The following VPS13B variants were observed in gnomAD, a reference collection of about 807,000 sequenced individuals.
VPS13B encodes vacuolar protein sorting 13 homolog B, also known as intermembrane lipid transfer protein VPS13B.
A neutral mutation model predicts 426.4 loss-of-function variants in VPS13B; 285 were observed. The ratio of observed to expected loss-of-function variants is 0.67; its 90% CI spans 0.61 to 0.74. VPS13B has a LOEUF of 0.74. VPS13B is among the 30% of genes least tolerant of loss of function. The pLI is 0.00. For missense variants in VPS13B, 4,537 were observed against 4,782.6 expected (o/e 0.95, Z 1.51); for synonymous variants, 1,676 against 1,676.4 (o/e 1.00, Z 0.01).
At chr8:99,647,457 A>G (rs1354497588) in intron 34 of VPS13B, among the ~76,000 whole-genome samples, 3 of 151,780 alleles carry the variant, frequency 2.0e-5, no homozygotes, top group African/African-American at 7.3e-5. Flanking sequence ...GGTACTCAGG[A>G]GGCTGAGGCG....
chr8:99,040,259 C>T (rs187385461), intron 3 of VPS13B, among the ~76,000 whole-genome samples: 103 of 152,252 alleles, frequency 6.8e-4, no homozygotes, highest in Admixed American at 6.1e-3. Flanking sequence ...AGAACTAATA[C>T]TTGATATTGG....
intron 30 of VPS13B, among the ~76,000 whole-genome samples, chr8:99,545,992 G>A (rs1455613368): frequency 6.6e-6 from 1 of 152,070 alleles, no homozygotes; most frequent in East Asian, 1.9e-4. Context: ...TGCAAATTAA[G>A]TTATTCATAT....
At chr8:99,497,177 T>G (rs1820947070) in intron 25 of VPS13B, among the ~76,000 whole-genome samples, 1 of 137,724 alleles carries the variant, frequency 7.3e-6, no homozygotes, top group South Asian at 2.1e-4. Flanking sequence ...ATTTATATAT[T>G]TAATATATAA....
At chr8:99,640,019 TAATAATAAGAAGAAG>T (rs1829258952) in intron 33 of VPS13B, among the ~76,000 whole-genome samples, 1 of 78,308 alleles carries the variant, frequency 1.3e-5, no homozygotes, top group Non-Finnish European at 2.7e-5. Context: ...ATAATAATAA[TAATAATAAGAAGAAG>T]AAGAAGAAGA....
intron 39 of VPS13B, among the ~76,000 whole-genome samples, chr8:99,726,885 TTTA>T (rs772988399): frequency 2.6e-4 from 39 of 152,320 alleles, no homozygotes; most frequent in Middle Eastern, 6.8e-3. Context: ...TATGAAGTAT[TTTA>T]TTATAGCAGC....
intron 17 of VPS13B, among the ~76,000 whole-genome samples, chr8:99,228,050 A>G (rs1410967290): frequency 6.6e-6 from 1 of 152,118 alleles, no homozygotes; most frequent in African/African-American, 2.4e-5. Flanking sequence ...CCTTCCTTTC[A>G]AATATTTGAA....
intron 39 of VPS13B, among the ~76,000 whole-genome samples, chr8:99,731,899 C>G (rs1398106996): frequency 6.6e-6 from 1 of 150,710 alleles, no homozygotes; most frequent in Non-Finnish European, 1.5e-5. Context: ...CTATCTAAGC[C>G]TGAATCAACC....
At chr8:99,401,782 C>T (rs1815051435) in intron 21 of VPS13B, among the ~76,000 whole-genome samples, 1 of 152,130 alleles carries the variant, frequency 6.6e-6, no homozygotes, top group South Asian at 2.1e-4. Context: ...AGGAGAATTG[C>T]TTGAACCTGG....
rs35211688 is a variant in VPS13B at position 99,624,808 on chromosome 8, CTTT to C, written c.5221-16989_5221-16987del. ...TTGTGTTGTCCTTGTCCTTATTTTG[CTTT>C]TTTTTTTTTTTTTCCCCCTTCCTGA... On this transcript the variant is annotated intron_variant, in intron 33 of 61. Coordinates refer to ENST00000357162, the MANE Select transcript of VPS13B (RefSeq NM_152564.5). 2.0e-3 allele frequency among the ~76,000 whole-genome samples: 274 copies of C among 136,904 alleles called. 4 individuals carry two copies. Among genetic ancestry groups the C allele is most frequent in the Non-Finnish European group, 1.5e-3 (97 of 63,866 alleles). The allele number at this position is 136,904 out of a possible 152,430, so 89.8% of individuals were successfully genotyped here.
intron 19 of VPS13B, chr8:99,346,473 C>T (rs1811546479): frequency 6.6e-6 from 1 of 152,128 alleles, no homozygotes; most frequent in African/African-American, 2.4e-5. Context: ...GACAACATTA[C>T]CTAAGGAGTT....
chr8:99,524,321 G>A (rs1019483591), intron 30 of VPS13B, among the ~76,000 whole-genome samples: 1 of 152,078 alleles, frequency 6.6e-6, no homozygotes, highest in African/African-American at 2.4e-5. Context: ...TTCATTCAAA[G>A]GGTTATAATA....
At chr8:99,644,925 A>G (rs1256223146) in intron 34 of VPS13B, among the ~76,000 whole-genome samples, 1 of 152,186 alleles carries the variant, frequency 6.6e-6, no homozygotes, top group Non-Finnish European at 1.5e-5. Context: ...GCTAATGACA[A>G]CTCTATGGGA....
chr8:99,511,250 GGAT>G lies in VPS13B; in HGVS notation c.4373_4375del (p.Asp1458del). On this transcript the variant is annotated inframe_deletion, in exon 29 of 62. Transcript: ENST00000357162. ...TTCATAAGTTATCTGAAGGCCTAAT[GGAT>G]GGTTCTCCTCATTTTCTTCATGAAA... is the stretch of plus-strand genomic sequence containing the variant. The G allele has an allele frequency of 6.2e-7, 1 of 1,614,084 alleles. No individual in the cohort carries two copies. Among genetic ancestry groups the G allele is most frequent in the Non-Finnish European group, 8.5e-7 (1 of 1,179,998 alleles).
chr8:99,778,643 C>T (rs532223688), intron 41 of VPS13B, 39 bp from the exon 42 acceptor site: 7 of 1,556,772 alleles, frequency 4.5e-6, no homozygotes, highest in South Asian at 4.5e-5. Flanking sequence ...AATATTGGCT[C>T]ATCTTAATTG....
At chr8:99,058,073 G>A (rs1363512917) in intron 3 of VPS13B, among the ~76,000 whole-genome samples, 1 of 151,922 alleles carries the variant, frequency 6.6e-6, no homozygotes, top group Non-Finnish European at 1.5e-5. Flanking sequence ...AGACCTCCAG[G>A]TGTTCCCAAG....
chr8:99,875,380 G>A (rs773148034), intron 61 of VPS13B, 38 bp from the exon 62 acceptor site: 5 of 1,613,778 alleles, frequency 3.1e-6, no homozygotes, highest in Non-Finnish European at 4.2e-6. Context: ...ACTCTCGTAA[G>A]GGTCTGGCAA....
intron 25 of VPS13B, among the ~76,000 whole-genome samples, chr8:99,497,767 A>T (rs567279333): frequency 6.6e-6 from 1 of 152,108 alleles, no homozygotes; most frequent in South Asian, 2.1e-4. Flanking sequence ...TATTATGCAA[A>T]CAACCGTTTA....
chr8:99,609,994 T>A (rs1476056872), intron 33 of VPS13B, among the ~76,000 whole-genome samples: 1 of 152,200 alleles, frequency 6.6e-6, no homozygotes, highest in Non-Finnish European at 1.5e-5. Flanking sequence ...CCTCGGGGGA[T>A]CTGTGGACCA....
intron 2 of VPS13B, among the ~76,000 whole-genome samples, chr8:99,029,464 T>G (rs1265168837): frequency 6.6e-6 from 1 of 151,972 alleles, no homozygotes; most frequent in Non-Finnish European, 1.5e-5. Flanking sequence ...ATCACGCCAC[T>G]GCACTCCAGC....
Sources: allele counts gnomAD v4.1 joint callset (sites outside exome capture counted in the v4.1 genomes callset), GRCh38; gene constraint gnomAD v4.1.1; transcripts MANE v1.5; gene names NCBI Gene and HGNC (gene_info 2026-07-23, HGNC 2026-07-21).